AOPEP: variants seen among roughly 807,000 people sequenced by gnomAD.
AOPEP encodes the protein aminopeptidase O (putative).
AOPEP carries 77 observed loss-of-function variants against 98.1 expected under a neutral mutation model. The ratio of observed to expected loss-of-function variants is 0.78; its 90% CI spans 0.65 to 0.95. The LOEUF (loss-of-function observed/expected upper bound fraction) is 0.95. AOPEP is among the 40% of genes least tolerant of loss of function. AOPEP has a pLI of 0.00. For missense variants in AOPEP, 1,024 were observed against 1,024.7 expected (o/e 1.00, Z 0.01); for synonymous variants, 346 against 365.3 (o/e 0.95, Z 0.60).
intron 5 of AOPEP, among the ~76,000 whole-genome samples, chr9:94,892,711 T>A (rs2049010177): frequency 1.3e-5 from 2 of 152,214 alleles, no homozygotes; most frequent in Non-Finnish European, 2.9e-5. Context: ...TGTTTTCTTT[T>A]TCTTTCTATT....
At chr9:94,732,935 T>C (rs992901707) in intron 1 of AOPEP, among the ~76,000 whole-genome samples, 3 of 152,176 alleles carry the variant, frequency 2.0e-5, no homozygotes, top group Admixed American at 1.3e-4. Flanking sequence ...GTCAAGATCC[T>C]TCAGTGGTCA....
At chr9:95,024,159 T>C (rs1317516272) in intron 13 of AOPEP, among the ~76,000 whole-genome samples, 1 of 152,200 alleles carries the variant, frequency 6.6e-6, no homozygotes, top group Non-Finnish European at 1.5e-5. Flanking sequence ...GCCAGCCGGC[T>C]CTATCATCCA....
chr9:95,082,358 T>G (rs2069908033), intron 15 of AOPEP, among the ~76,000 whole-genome samples: 1 of 152,186 alleles, frequency 6.6e-6, no homozygotes, highest in African/African-American at 2.4e-5. Context: ...AATTGGGAGC[T>G]GAGGATTCCT....
chr9:94,986,441 C>T (rs565466693), intron 11 of AOPEP, among the ~76,000 whole-genome samples: 6 of 152,274 alleles, frequency 3.9e-5, no homozygotes, highest in African/African-American at 7.2e-5. Flanking sequence ...ATTCACAGTA[C>T]GTCTCTCACT....
At position 94,929,283 on chromosome 9, in the gene AOPEP, C is replaced by T. The variant is rs149838988; in HGVS notation, c.1661+752C>T. On this transcript the variant is annotated intron_variant, in intron 7 of 16. Coordinates refer to ENST00000375315, the MANE Select transcript of AOPEP (RefSeq NM_001193329.3). Reference sequence around the variant, plus strand: ...GCCATCCAGGAACTGCTCCTCTCCTCGCCTGTTCTTAGATGGCCGCCCTGA... The same window carrying T: ...GCCATCCAGGAACTGCTCCTCTCCTTGCCTGTTCTTAGATGGCCGCCCTGA... 6.2e-4 allele frequency among the ~76,000 whole-genome samples: 94 copies of T among 152,334 alleles called. 1 individual carries two copies. In the East Asian group the frequency reaches 0.016, roughly 26 times the overall value.
chr9:94,764,055 C>T (rs1839006084), intron 2 of AOPEP, among the ~76,000 whole-genome samples: 1 of 152,188 alleles, frequency 6.6e-6, no homozygotes, highest in African/African-American at 2.4e-5. Flanking sequence ...AGTAACTTTA[C>T]ACTAGAGAAA....
chr9:95,045,761 A>G (rs1466873734), intron 13 of AOPEP, among the ~76,000 whole-genome samples: 1 of 152,198 alleles, frequency 6.6e-6, no homozygotes, highest in African/African-American at 2.4e-5. Flanking sequence ...GAGGTGCTCC[A>G]GGGACAGATA....
At chr9:94,767,236 G>A (rs1839830068) in intron 2 of AOPEP, among the ~76,000 whole-genome samples, 1 of 152,192 alleles carries the variant, frequency 6.6e-6, no homozygotes, top group Non-Finnish European at 1.5e-5. Flanking sequence ...TCGGAATCAT[G>A]AGTGAAAATG....
chr9:94,986,414 C>T (rs1460009465), intron 11 of AOPEP, among the ~76,000 whole-genome samples: 1 of 152,162 alleles, frequency 6.6e-6, no homozygotes, highest in Non-Finnish European at 1.5e-5. Context: ...CACAATTTAG[C>T]CATTCCTATT....
chr9:95,036,714 T>TTTTTTTTTG (rs2064865437), intron 13 of AOPEP, among the ~76,000 whole-genome samples: 1 of 150,854 alleles, frequency 6.6e-6, no homozygotes, highest in African/African-American at 2.4e-5. Flanking sequence ...TTTTTTTTTG[T>TTTTTTTTTG]GGGGAATAAA....
chr9:95,145,007 T>C, the AOPEP span, among the ~76,000 whole-genome samples: 2 of 152,230 alleles, frequency 1.3e-5, no homozygotes, highest in Admixed American at 6.5e-5. Flanking sequence ...TTTTTAGCCA[T>C]GAAACCTGCA....
chr9:95,003,062 A>G (rs926941616), intron 11 of AOPEP, among the ~76,000 whole-genome samples: 1 of 152,190 alleles, frequency 6.6e-6, no homozygotes, highest in African/African-American at 2.4e-5. Context: ...AGACTGTGTC[A>G]GTAGCAGAGC....
chr9:95,005,310 C>T, intron 12 of AOPEP, 90 bp downstream of exon 12: 2 of 780,362 alleles, frequency 2.6e-6, no homozygotes, highest in Non-Finnish European at 1.7e-6. Flanking sequence ...CTGCGGCGCG[C>T]GGGTGCGGGG....
rs544498465 is a variant in AOPEP, at chr9:94,916,157, T to A, written c.1365-7829T>A. Among the ~76,000 whole-genome samples the A allele has an allele frequency of 2.0e-5, 3 of 152,326 alleles. No individual in the cohort carries two copies. In the East Asian group the frequency reaches 5.8e-4, roughly 29 times the overall value. On this transcript the variant is annotated intron_variant, in intron 5 of 16. Coordinates refer to ENST00000375315, the MANE Select transcript of AOPEP (RefSeq NM_001193329.3). ...ACACATTATTTTATTAAATAAAGAT[T>A]TTCCCTGTATCACAGTGGAGGCTAA...
chr9:95,095,171 A>G, the AOPEP span, among the ~76,000 whole-genome samples: 1 of 152,064 alleles, frequency 6.6e-6, no homozygotes, highest in Non-Finnish European at 1.5e-5. Context: ...TCCAGAGTCA[A>G]TTTTCTATTT....
At chr9:94,728,875 T>C (rs1829883315) in intron 1 of AOPEP, among the ~76,000 whole-genome samples, 1 of 152,180 alleles carries the variant, frequency 6.6e-6, no homozygotes, top group Non-Finnish European at 1.5e-5. Flanking sequence ...AGTTCTTGTG[T>C]GATGGAGCAA....
At position 94,858,118 on chromosome 9, in the gene AOPEP, T is replaced by C. The variant is rs188058004; in HGVS notation, c.1364+57116T>C. Among the ~76,000 whole-genome samples the C allele has an allele frequency of 3.0e-4, 45 of 152,012 alleles. No individual in the cohort carries two copies. The East Asian group carries it at 6.0e-3, about 20-fold the overall frequency. ...AAAAACAAAAACACATTTAGAACCC[T>C]GGTTAATTGTTACATCGTTTTGTCT... On this transcript the variant is annotated intron_variant, in intron 5 of 16. Transcript: ENST00000375315.
At chr9:94,873,618 G>A (rs2046589510) in intron 5 of AOPEP, among the ~76,000 whole-genome samples, 1 of 152,202 alleles carries the variant, frequency 6.6e-6, no homozygotes, top group Non-Finnish European at 1.5e-5. Flanking sequence ...GTTTATTCAT[G>A]AGAAATTATG....
intron 5 of AOPEP, among the ~76,000 whole-genome samples, chr9:94,844,903 T>C (rs2042675713): frequency 6.6e-6 from 1 of 151,920 alleles, no homozygotes; most frequent in Admixed American, 6.6e-5. Flanking sequence ...CCTGAGTGAG[T>C]GCTTTGTGGA....
Sources: gnomAD v4.1 joint callset for allele counts (sites outside exome capture counted in the v4.1 genomes callset) on GRCh38, gnomAD v4.1.1 for gene constraint, MANE v1.5 for transcripts, NCBI Gene and HGNC (gene_info 2026-07-23, HGNC 2026-07-21) for gene names.